The following GABRB3 variants were observed in gnomAD, a reference collection of about 807,000 sequenced individuals.
GABRB3 encodes gamma-aminobutyric acid type A receptor subunit beta3, also known as gamma-aminobutyric acid receptor subunit beta-3.
Under a neutral mutation model 52.1 loss-of-function variants are expected in GABRB3, and 14 were observed. The ratio of observed to expected loss-of-function variants is 0.27; its 90% CI spans 0.18 to 0.42. GABRB3 has a LOEUF of 0.42. Among genes scored for constraint, GABRB3 ranks in the 10% least tolerant of loss-of-function variants. The pLI is 1.00. For missense variants in GABRB3, 307 were observed against 609.1 expected (o/e 0.50, Z 5.22); for synonymous variants, 260 against 232.3 (o/e 1.12, Z -1.08).
At chr15:26,617,559 T>C (rs1303432259) in intron 4 of GABRB3, among the ~76,000 whole-genome samples, 1 of 152,090 alleles carries the variant, frequency 6.6e-6, no homozygotes, top group East Asian at 1.9e-4. Context: ...GCCAATATCA[T>C]ACTGAATGGG....
intron 8 of GABRB3, among the ~76,000 whole-genome samples, chr15:26,558,586 ATT>A (rs945918358): frequency 2.6e-5 from 4 of 152,080 alleles, no homozygotes; most frequent in Non-Finnish European, 5.9e-5. Flanking sequence ...GTATTAGGCC[ATT>A]CTCTCATTGC....
intron 4 of GABRB3, among the ~76,000 whole-genome samples, chr15:26,590,956 T>C (rs1029632268): frequency 1.3e-5 from 2 of 152,168 alleles, no homozygotes; most frequent in East Asian, 1.9e-4. Context: ...ATGCATTCTT[T>C]TTCTAGGCTT....
intron 3 of GABRB3, among the ~76,000 whole-genome samples, chr15:26,715,841 G>A (rs1446712317): frequency 1.3e-5 from 2 of 151,994 alleles, no homozygotes; most frequent in Admixed American, 6.6e-5. Flanking sequence ...TCATTTATGG[G>A]CCTTCTTTAT....
At chr15:26,737,449 A>G (rs2140156864) in intron 3 of GABRB3, among the ~76,000 whole-genome samples, 1 of 152,370 alleles carries the variant, frequency 6.6e-6, no homozygotes, top group South Asian at 2.1e-4. Flanking sequence ...GTCAGTCCTC[A>G]GGCCCCTGCT....
At chr15:26,624,894 G>A in intron 3 of GABRB3, 1 of 985,512 alleles carries the variant, frequency 1.0e-6, no homozygotes, top group Non-Finnish European at 1.2e-6. Context: ...GACGTGCAGT[G>A]GTGAGCACTG....
At chr15:26,705,869 G>A (rs1260171765) in intron 3 of GABRB3, among the ~76,000 whole-genome samples, 2 of 152,040 alleles carry the variant, frequency 1.3e-5, no homozygotes, top group Non-Finnish European at 2.9e-5. Flanking sequence ...ATAAAGATGG[G>A]AACAATAGAT....
chr15:26,771,418 T>C (rs1891139874), intron 3 of GABRB3, among the ~76,000 whole-genome samples: 1 of 152,204 alleles, frequency 6.6e-6, no homozygotes, highest in Non-Finnish European at 1.5e-5. Flanking sequence ...AGAGTGGATC[T>C]AAAACCATGT....
At chr15:26,736,413 A>G (rs889637770) in intron 3 of GABRB3, among the ~76,000 whole-genome samples, 2 of 152,244 alleles carry the variant, frequency 1.3e-5, no homozygotes, top group Non-Finnish European at 2.9e-5. Context: ...TTTTAACCTG[A>G]GGTAAATGGT....
intron 7 of GABRB3, among the ~76,000 whole-genome samples, chr15:26,565,303 G>T (rs555396052): frequency 2.6e-5 from 4 of 152,226 alleles, no homozygotes; most frequent in African/African-American, 9.6e-5. Flanking sequence ...AGGGACAGAG[G>T]GAATGCATGT....
At chr15:26,600,347 T>A (rs939923456) in intron 4 of GABRB3, among the ~76,000 whole-genome samples, 3 of 151,934 alleles carry the variant, frequency 2.0e-5, no homozygotes, top group Non-Finnish European at 4.4e-5. Flanking sequence ...GCTGAAAACG[T>A]TCTTAATCTA....
intron 3 of GABRB3, among the ~76,000 whole-genome samples, chr15:26,714,869 A>G (rs1889417434): frequency 6.6e-6 from 1 of 152,216 alleles, no homozygotes; most frequent in Non-Finnish European, 1.5e-5. Flanking sequence ...AATAGGAGTG[A>G]AAGACAAATC....
chr15:26,731,218 A>G (rs1889902932), intron 3 of GABRB3, among the ~76,000 whole-genome samples: 1 of 152,236 alleles, frequency 6.6e-6, no homozygotes. Flanking sequence ...ATAATGAAAG[A>G]AATCACCAAA....
intron 3 of GABRB3, among the ~76,000 whole-genome samples, chr15:26,711,730 C>A (rs1430359535): frequency 6.6e-6 from 1 of 152,210 alleles, no homozygotes; most frequent in Non-Finnish European, 1.5e-5. Flanking sequence ...TGGAAGAAGA[C>A]TTTCCTTTCT....
At chr15:26,631,068 G>C (rs1471333569) in intron 3 of GABRB3, among the ~76,000 whole-genome samples, 1 of 152,238 alleles carries the variant, frequency 6.6e-6, no homozygotes, top group Non-Finnish European at 1.5e-5. Context: ...GGGAGGCAAG[G>C]AAAGTATTGC....
At chr15:26,743,113 A>G (rs571543416) in intron 3 of GABRB3, among the ~76,000 whole-genome samples, 1 of 152,070 alleles carries the variant, frequency 6.6e-6, no homozygotes, top group African/African-American at 2.4e-5. Context: ...TATTTTTAGT[A>G]GAGATGGTGT....
rs575098878 is a variant in GABRB3, at chr15:26,665,876, G to A, written c.241-44342C>T. Among the ~76,000 whole-genome samples, 14 of 152,216 alleles carry A rather than the reference G, an allele frequency of 9.2e-5. No homozygotes were observed. In the South Asian group the frequency reaches 2.9e-3, roughly 32 times the overall value. On this transcript the variant is annotated intron_variant, in intron 3 of 8. Transcript: ENST00000311550. Reference sequence around the variant, plus strand: ...GTACAGAAGAAAAAGTATAAACCTGGCTATTTATAATGGATGATAACAATA... The same window carrying A: ...GTACAGAAGAAAAAGTATAAACCTGACTATTTATAATGGATGATAACAATA...
At chr15:26,646,210 T>C (rs1247184829) in intron 3 of GABRB3, among the ~76,000 whole-genome samples, 1 of 152,140 alleles carries the variant, frequency 6.6e-6, no homozygotes, top group Non-Finnish European at 1.5e-5. Flanking sequence ...CCATTTGCAG[T>C]GACTCTCCCT....
chr15:26,601,231 G>A (rs774500089), intron 4 of GABRB3, among the ~76,000 whole-genome samples: 4 of 152,054 alleles, frequency 2.6e-5, no homozygotes, highest in African/African-American at 4.8e-5. Flanking sequence ...AAACCAGCCC[G>A]GCCAACATGG....
At chr15:26,681,380 G>C (rs534435696) in intron 3 of GABRB3, among the ~76,000 whole-genome samples, 1 of 151,948 alleles carries the variant, frequency 6.6e-6, no homozygotes, top group Admixed American at 6.6e-5. Flanking sequence ...CTGCCCCCCC[G>C]TATGGGAAAG....
Sources: gnomAD v4.1 joint callset for allele counts (sites outside exome capture counted in the v4.1 genomes callset) on GRCh38, gnomAD v4.1.1 for gene constraint, MANE v1.5 for transcripts, NCBI Gene and HGNC (gene_info 2026-07-23, HGNC 2026-07-21) for gene names.